CDS2: variants seen among roughly 807,000 people sequenced by gnomAD.
CDS2 encodes the protein CDP-diacylglycerol synthase 2, also known as phosphatidate cytidylyltransferase 2.
CDS2 carries 47 observed loss-of-function variants against 59.0 expected under a neutral mutation model. The observed-to-expected ratio is 0.80, with a 90% CI of 0.63 to 1.02. The LOEUF (loss-of-function observed/expected upper bound fraction) is 1.02. Ranked by LOEUF, CDS2 falls within the 50% of genes least tolerant of loss-of-function variation. CDS2 has a pLI of 0.00. For synonymous variants in CDS2, 207 were observed against 206.4 expected (o/e 1.00, Z -0.02); for missense variants, 356 against 558.9 (o/e 0.64, Z 3.66).
chr20:5,141,496 CTGGAGACTCCGAAGCTCTTGCAA>C (rs1392204068), intron 1 of CDS2, among the ~76,000 whole-genome samples: 1 of 152,202 alleles, frequency 6.6e-6, no homozygotes, highest in East Asian at 1.9e-4. Context: ...AGCTCTTGCA[CTGGAGACTCCGAAGCTCTTGCAA>C]TGGGGACTCT....
At chr20:5,171,885 C>G (rs2090958663) in intron 1 of CDS2, among the ~76,000 whole-genome samples, 1 of 152,228 alleles carries the variant, frequency 6.6e-6, no homozygotes. Context: ...TCCCTTGGAT[C>G]CTAATGATGA....
In CDS2 at chr20:5,194,195, T is replaced by C. The variant is rs2091139547; in HGVS notation, c.*3961T>C. 1 of 152,300 alleles carries C rather than the reference T, an allele frequency of 6.6e-6. No homozygotes were observed. The highest frequency in any genetic ancestry group is 6.5e-5 in the Admixed American group (1 of 15,288). The allele number at this position is 152,300 out of a possible 1,614,324, so 9.4% of individuals were successfully genotyped here. ...GGTCAAAACAAACTTCCTTTTCCCT[T>C]GATCACCCTGCACGCAGCTGCCCAG... On this transcript the variant is annotated 3_prime_UTR_variant, in exon 13 of 13. Coordinates refer to ENST00000460006, the MANE Select transcript of CDS2 (RefSeq NM_003818.4).
intron 1 of CDS2, among the ~76,000 whole-genome samples, chr20:5,163,205 T>C (rs1028764207): frequency 6.6e-6 from 1 of 152,222 alleles, no homozygotes; most frequent in Non-Finnish European, 1.5e-5. Flanking sequence ...AAAAAAAGAT[T>C]TGGTGTTTCA....
chr20:5,187,879 C>CA (rs147307441), intron 10 of CDS2: 3,300 of 63,092 alleles, frequency 0.052, 56 homozygotes, highest in East Asian at 0.15. Flanking sequence ...GAGACTGTCT[C>CA]AAAAAAAAAA....
At chr20:5,171,391 A>G (rs911186462) in intron 1 of CDS2, among the ~76,000 whole-genome samples, 1 of 152,214 alleles carries the variant, frequency 6.6e-6, no homozygotes, top group Non-Finnish European at 1.5e-5. Flanking sequence ...CAGTCCCTGC[A>G]GCTTCTAGAG....
At chr20:5,151,292 A>G (rs1279602922) in intron 1 of CDS2, among the ~76,000 whole-genome samples, 2 of 152,250 alleles carry the variant, frequency 1.3e-5, no homozygotes, top group Admixed American at 6.5e-5. Flanking sequence ...AAGTGTACCA[A>G]GTTTGGACAC....
chr20:5,182,741 A>G (rs1267787917), intron 6 of CDS2, among the ~76,000 whole-genome samples: 3 of 152,258 alleles, frequency 2.0e-5, no homozygotes, highest in Admixed American at 6.5e-5. Context: ...CCTGTCTGGT[A>G]CATCACTTGC....
intron 10 of CDS2, 86 bp downstream of exon 10, chr20:5,186,925 A>C (rs544183798): frequency 6.7e-7 from 1 of 1,489,462 alleles, no homozygotes; most frequent in Admixed American, 1.7e-5. Context: ...CCTCTGAAAA[A>C]AGCTAGCTTC....
intron 1 of CDS2, among the ~76,000 whole-genome samples, chr20:5,131,354 T>C (rs2090606555): frequency 6.6e-6 from 1 of 152,222 alleles, no homozygotes; most frequent in East Asian, 1.9e-4. Context: ...CAAAGCACAG[T>C]ATAGTTGCCA....
chr20:5,142,228 A>G (rs980405659), intron 1 of CDS2, among the ~76,000 whole-genome samples: 7 of 152,028 alleles, frequency 4.6e-5, no homozygotes, highest in South Asian at 2.1e-4. Context: ...AGGTGGGTCA[A>G]TTGAGGTCAG....
At chr20:5,154,317 T>C (rs2090816040) in intron 1 of CDS2, among the ~76,000 whole-genome samples, 1 of 152,228 alleles carries the variant, frequency 6.6e-6, no homozygotes, top group South Asian at 2.1e-4. Context: ...GCTTTCATTC[T>C]AAGAGCCTTG....
intron 1 of CDS2, among the ~76,000 whole-genome samples, chr20:5,140,868 A>G (rs545857263): frequency 6.6e-5 from 10 of 152,356 alleles, no homozygotes; most frequent in Admixed American, 6.5e-4. Flanking sequence ...GCTGGTTTAT[A>G]GGAAATTCAA....
chr20:5,160,558 T>G (rs1016757907), intron 1 of CDS2, among the ~76,000 whole-genome samples: 12 of 152,180 alleles, frequency 7.9e-5, no homozygotes, highest in Admixed American at 7.2e-4. Context: ...AAATATTATA[T>G]ATATCATAAA....
chr20:5,142,736 G>GC (rs2090705505), intron 1 of CDS2, among the ~76,000 whole-genome samples: 1 of 152,142 alleles, frequency 6.6e-6, no homozygotes, highest in South Asian at 2.1e-4. Flanking sequence ...AAGGCCACAG[G>GC]CAATGAGAAG....
intron 1 of CDS2, among the ~76,000 whole-genome samples, chr20:5,156,383 A>G (rs1361211916): frequency 2.6e-5 from 4 of 152,104 alleles, no homozygotes; most frequent in African/African-American, 7.2e-5. Flanking sequence ...TTTTGAACCC[A>G]CTGAGTTGGA....
chr20:5,178,728 T>G (rs1407928996), intron 4 of CDS2, 89 bp from the exon 5 acceptor site: 4 of 1,391,092 alleles, frequency 2.9e-6, no homozygotes, highest in Admixed American at 1.7e-5. Flanking sequence ...GGTATTCTGC[T>G]GCCCTCTGTC....
At position 5,176,644 on chromosome 20, in the gene CDS2, G is replaced by T; in HGVS notation, c.292-4G>T. ...GGTGTCAGTGAATGTTTTGTGTCCC[G>T]CAGGTGATGTGCGTTCAGATTAAGT... On this transcript the variant is annotated splice_region_variant and splice_polypyrimidine_tract_variant and intron_variant, in intron 3 of 12. Coordinates refer to ENST00000460006, the MANE Select transcript of CDS2 (RefSeq NM_003818.4). 1.2e-6 allele frequency: 2 copies of T among 1,609,968 alleles called. No homozygotes were observed. The highest frequency in any genetic ancestry group is 1.7e-6 in the Non-Finnish European group (2 of 1,176,268).
chr20:5,171,384 TC>T (rs1461345621), intron 1 of CDS2, among the ~76,000 whole-genome samples: 11 of 152,224 alleles, frequency 7.2e-5, no homozygotes, highest in Non-Finnish European at 1.3e-4. Context: ...TGGAGCGCAG[TC>T]CCTGCAGCTT....
At chr20:5,150,165 A>G (rs1284579581) in intron 1 of CDS2, among the ~76,000 whole-genome samples, 3 of 152,222 alleles carry the variant, frequency 2.0e-5, no homozygotes, top group Non-Finnish European at 2.9e-5. Flanking sequence ...TGCCACTGTG[A>G]TAACTGAGGA....
Sources: allele counts gnomAD v4.1 joint callset (sites outside exome capture counted in the v4.1 genomes callset), GRCh38; gene constraint gnomAD v4.1.1; transcripts MANE v1.5; gene names NCBI Gene and HGNC (gene_info 2026-07-23, HGNC 2026-07-21).